CSMD1: variants seen among roughly 807,000 people sequenced by gnomAD.
The protein encoded by CSMD1 is CUB and Sushi multiple domains 1.
A neutral mutation model predicts 417.5 loss-of-function variants in CSMD1; 213 were observed. The observed-to-expected ratio is 0.51, with a 90% CI of 0.46 to 0.57. The LOEUF (loss-of-function observed/expected upper bound fraction) is 0.57, where lower values mean the gene tolerates loss of function less well. CSMD1 is among the 20% of genes least tolerant of loss of function. The pLI is 0.00. For missense variants in CSMD1, 6,923 were observed against 4,529.7 expected (o/e 1.53, Z -15.17); for synonymous variants, 2,862 against 1,736.8 (o/e 1.65, Z -16.11).
chr8:4,044,979 G>A (rs1010211774), intron 3 of CSMD1, among the ~76,000 whole-genome samples: 4 of 152,220 alleles, frequency 2.6e-5, no homozygotes, highest in South Asian at 2.1e-4. Flanking sequence ...GTTCACGGAG[G>A]AGTTTCTACT....
At chr8:3,762,299 C>G (rs1318825345) in intron 5 of CSMD1, among the ~76,000 whole-genome samples, 1 of 152,172 alleles carries the variant, frequency 6.6e-6, no homozygotes, top group Admixed American at 6.5e-5. Context: ...ACCTACTCTG[C>G]ACCTGCCTGG....
intron 3 of CSMD1, among the ~76,000 whole-genome samples, chr8:4,295,817 A>T (rs1797651880): frequency 6.9e-6 from 1 of 144,502 alleles, no homozygotes; most frequent in African/African-American, 2.5e-5. Context: ...GAAAATTTAA[A>T]GTTAATTCTC....
chr8:4,466,266 G>C (rs1053688445), intron 2 of CSMD1, among the ~76,000 whole-genome samples: 3 of 152,084 alleles, frequency 2.0e-5, no homozygotes, highest in African/African-American at 7.2e-5. Context: ...ATCAGTGGAA[G>C]AATAAGCTTG....
intron 7 of CSMD1, among the ~76,000 whole-genome samples, chr8:3,670,902 T>TA (rs1798983457): frequency 1.3e-5 from 2 of 149,442 alleles, no homozygotes; most frequent in African/African-American, 4.9e-5. Flanking sequence ...ATGTGATATA[T>TA]ATGTATATGG....
intron 8 of CSMD1, among the ~76,000 whole-genome samples, chr8:3,613,827 A>C (rs905371380): frequency 3.3e-5 from 5 of 152,038 alleles, no homozygotes; most frequent in Non-Finnish European, 5.9e-5. Context: ...ACTATAATGA[A>C]AGCCAGAACA....
At chr8:3,413,401 G>C (rs890134736) in intron 12 of CSMD1, among the ~76,000 whole-genome samples, 5 of 152,166 alleles carry the variant, frequency 3.3e-5, no homozygotes, top group East Asian at 1.9e-4. Context: ...CCACCAAAGA[G>C]GCTGATGTTT....
chr8:3,594,028 G>A (rs1008202572), intron 8 of CSMD1, among the ~76,000 whole-genome samples: 3 of 152,144 alleles, frequency 2.0e-5, no homozygotes, highest in Non-Finnish European at 4.4e-5. Flanking sequence ...ACAGAGTGAC[G>A]TTTGATTCAA....
chr8:3,441,883 G>A lies in CSMD1; in HGVS notation c.1561+26829C>T, dbSNP rs549858552. On this transcript the variant is annotated intron_variant, in intron 12 of 69. Coordinates refer to ENST00000635120, the MANE Select transcript of CSMD1 (RefSeq NM_033225.6). The stretch of plus-strand genomic sequence containing the variant: ...ACTGTAAACAGCCTTAGGCAGGTCC[G>A]TCAGGAGGTATCCAGAAGAAGGCAT... Among the ~76,000 whole-genome samples, 21 of 152,060 alleles carry A rather than the reference G, an allele frequency of 1.4e-4. No homozygotes were observed. In the East Asian group the frequency reaches 2.7e-3, roughly 20 times the overall value.
rs752968174 is a variant in CSMD1 at position 3,399,395 on chromosome 8, C to G, written c.2401G>C (p.Asp801His). 18 of 1,599,114 alleles carry G rather than the reference C, an allele frequency of 1.1e-5. No homozygotes were observed. The Admixed American group carries it at 2.6e-4, about 23-fold the overall frequency. ...KPGHSIKITF[D>H]RFQTEVNYDT... is the part of the protein sequence containing the mutation. ...GAAGACTAATTTTTTTCTTACCTGT[C>G]AAAAGTTATTTTGATAGAGTGGCCT... The change falls in exon 16 of 70, where the codon GAC (aspartate) becomes CAC (histidine). Residue 801 changes from aspartate (D) to histidine (H), a missense_variant. Coordinates refer to ENST00000635120, the MANE Select transcript of CSMD1 (RefSeq NM_033225.6).
chr8:3,352,744 G>A (rs1020445316), intron 21 of CSMD1, among the ~76,000 whole-genome samples: 1 of 152,168 alleles, frequency 6.6e-6, no homozygotes, highest in Non-Finnish European at 1.5e-5. Flanking sequence ...GGAGGCTGAG[G>A]CCGGAGACTT....
At chr8:3,843,401 G>C (rs961145134) in intron 5 of CSMD1, among the ~76,000 whole-genome samples, 4 of 152,072 alleles carry the variant, frequency 2.6e-5, no homozygotes, top group Non-Finnish European at 5.9e-5. Context: ...AGATATTTCA[G>C]ATATTTAAAG....
At position 4,766,725 on chromosome 8, in the gene CSMD1, C is replaced by T. The variant is rs117417715; in HGVS notation, c.86-129167G>A. 5.8e-4 allele frequency among the ~76,000 whole-genome samples: 88 copies of T among 152,300 alleles called. 1 individual carries two copies. The East Asian group carries it at 0.015, about 26-fold the overall frequency. ...TCAGGCTTCCAAGTAAACAGAACCT[C>T]CACTAATCCTACGGTGTTTCTTCAC... On this transcript the variant is annotated intron_variant, in intron 1 of 69. Coordinates refer to ENST00000635120, the MANE Select transcript of CSMD1 (RefSeq NM_033225.6).
intron 67 of CSMD1, among the ~76,000 whole-genome samples, chr8:2,950,010 T>G (rs1802515421): frequency 6.6e-6 from 1 of 152,158 alleles, no homozygotes. Flanking sequence ...ACCACCCCTT[T>G]AAGGATGGCC....
At chr8:3,616,610 T>G in intron 8 of CSMD1, 100 bp downstream of exon 8, 2 of 753,118 alleles carry the variant, frequency 2.7e-6, no homozygotes, top group East Asian at 2.7e-5. Flanking sequence ...AAGTTTTATC[T>G]TTACCTCAAA....
chr8:4,052,722 G>C (rs1458292475), intron 3 of CSMD1, among the ~76,000 whole-genome samples: 1 of 151,914 alleles, frequency 6.6e-6, no homozygotes, highest in African/African-American at 2.4e-5. Flanking sequence ...TAAATATTTA[G>C]CTCATCACCA....
intron 10 of CSMD1, among the ~76,000 whole-genome samples, chr8:3,494,554 T>TGACAGATAGGTAGGCAGATA (rs1796279910): frequency 6.9e-6 from 1 of 145,736 alleles, no homozygotes; most frequent in African/African-American, 2.6e-5. Flanking sequence ...ACAGATTAGA[T>TGACAGATAGGTAGGCAGATA]GATAGATAGA....
At chr8:3,840,497 A>G (rs1322905872) in intron 5 of CSMD1, among the ~76,000 whole-genome samples, 1 of 152,126 alleles carries the variant, frequency 6.6e-6, no homozygotes, top group East Asian at 1.9e-4. Flanking sequence ...TGACTGAATA[A>G]AAAATATAGG....
chr8:4,566,378 G>C (rs989732997), intron 2 of CSMD1, among the ~76,000 whole-genome samples: 1 of 152,110 alleles, frequency 6.6e-6, no homozygotes, highest in Non-Finnish European at 1.5e-5. Flanking sequence ...AGTTGGCCGG[G>C]CGTGGTGGCT....
chr8:4,495,281 A>C (rs1001345044), intron 2 of CSMD1, among the ~76,000 whole-genome samples: 2 of 152,184 alleles, frequency 1.3e-5, no homozygotes, highest in Non-Finnish European at 2.9e-5. Context: ...TGACTAATAC[A>C]AAATGATTTC....
Sources: allele counts gnomAD v4.1 joint callset (sites outside exome capture counted in the v4.1 genomes callset), GRCh38; gene constraint gnomAD v4.1.1; transcripts MANE v1.5; gene names NCBI Gene and HGNC (gene_info 2026-07-23, HGNC 2026-07-21).